WDR41: variants seen among roughly 807,000 people sequenced by gnomAD.
WDR41 encodes WD repeat domain 41, also known as WD repeat-containing protein 41.
A neutral mutation model predicts 69.3 loss-of-function variants in WDR41; 63 were observed. The ratio of observed to expected loss-of-function variants is 0.91; its 90% confidence interval spans 0.74 to 1.12. The LOEUF is 1.12. Ranked by LOEUF, WDR41 falls within the 50% of genes most tolerant of loss-of-function variation. The pLI is 0.00. For synonymous variants in WDR41, 185 were observed against 192.1 expected (o/e 0.96, Z 0.31); for missense variants, 543 against 534.5 (o/e 1.02, Z -0.16).
At chr5:77,434,091 A>C (rs150095149) in intron 12 of WDR41, among the ~76,000 whole-genome samples, 1,970 of 152,258 alleles carry the variant, frequency 0.013, 44 homozygotes, top group African/African-American at 0.043. Flanking sequence ...GCACTTCGGG[A>C]GGCTGAGGTG....
At chr5:77,536,876 A>T (rs1742997243) in intron 1 of WDR41, among the ~76,000 whole-genome samples, 1 of 152,214 alleles carries the variant, frequency 6.6e-6, no homozygotes, top group African/African-American at 2.4e-5. Context: ...TCATTAAGTG[A>T]TGGATGACTA....
chr5:77,500,148 G>A (rs1280747581), intron 1 of WDR41, among the ~76,000 whole-genome samples: 3 of 152,132 alleles, frequency 2.0e-5, no homozygotes, highest in Admixed American at 6.5e-5. Context: ...ATTACCTGAC[G>A]AAGACTTTAA....
chr5:77,556,331 C>A (rs2112249646), intron 1 of WDR41, among the ~76,000 whole-genome samples: 1 of 151,486 alleles, frequency 6.6e-6, no homozygotes, highest in East Asian at 2.0e-4. Context: ...TCTAGAACTC[C>A]TGACCTCAAG....
At chr5:77,496,585 C>A (rs1242153350), upstream of WDR41, among the ~76,000 whole-genome samples, 1 of 151,888 alleles carries the variant, frequency 6.6e-6, no homozygotes, top group Non-Finnish European at 1.5e-5. Context: ...ATACTGAAAA[C>A]AACAAAACAT....
intron 1 of WDR41, among the ~76,000 whole-genome samples, chr5:77,564,752 T>C (rs1486012846): frequency 6.6e-6 from 1 of 152,140 alleles, no homozygotes; most frequent in Non-Finnish European, 1.5e-5. Context: ...TCCTGACCTT[T>C]GCTTTGTGCT....
At chr5:77,509,104 C>G (rs759295304) in intron 1 of WDR41, among the ~76,000 whole-genome samples, 23 of 152,174 alleles carry the variant, frequency 1.5e-4, no homozygotes, top group Non-Finnish European at 2.5e-4. Flanking sequence ...TCTGGGTGAA[C>G]TAGCTGGCCT....
chr5:77,485,240 TACTG>T (rs1433458384), intron 2 of WDR41, among the ~76,000 whole-genome samples: 3 of 152,196 alleles, frequency 2.0e-5, no homozygotes, highest in Admixed American at 6.6e-5. Context: ...GAAGGATCTA[TACTG>T]ACTATCTGTT....
At chr5:77,484,928 A>C (rs163032) in intron 2 of WDR41, among the ~76,000 whole-genome samples, 89,588 of 152,048 alleles carry the variant, frequency 0.59, 28,140 homozygotes, top group African/African-American at 0.8. Context: ...GGATTTAAGC[A>C]AGATAGTAGA....
intron 1 of WDR41, among the ~76,000 whole-genome samples, chr5:77,596,234 G>A (rs976009341): frequency 1.8e-4 from 28 of 152,132 alleles, no homozygotes; most frequent in Middle Eastern, 3.4e-3. Context: ...TGCAACCTCC[G>A]CCTCCCAGGT....
chr5:77,582,600 A>G, intron 1 of WDR41: 7 of 1,600,586 alleles, frequency 4.4e-6, no homozygotes, highest in Non-Finnish European at 5.1e-6. Flanking sequence ...CGAGGATGGC[A>G]AGAAAAGCTG....
intron 6 of WDR41, among the ~76,000 whole-genome samples, chr5:77,453,546 G>A (rs879746563): frequency 6.6e-6 from 1 of 152,138 alleles, no homozygotes; most frequent in Non-Finnish European, 1.5e-5. Flanking sequence ...CTGCTTCTAG[G>A]TATCAGCGTG....
intron 6 of WDR41, chr5:77,451,625 G>T (rs566843164): frequency 1.9e-4 from 60 of 313,888 alleles, no homozygotes; most frequent in Non-Finnish European, 3.6e-4. Context: ...TAAAGTGGTA[G>T]ATTCAGCAAT....
At chr5:77,507,051 A>G (rs1227828046) in intron 1 of WDR41, among the ~76,000 whole-genome samples, 1 of 152,318 alleles carries the variant, frequency 6.6e-6, no homozygotes, top group East Asian at 1.9e-4. Flanking sequence ...AAAAAGAAAC[A>G]TATTTTAGAC....
chr5:77,582,946 A>C (rs1743968525), intron 1 of WDR41: 2 of 1,609,004 alleles, frequency 1.2e-6, no homozygotes, highest in South Asian at 2.2e-5. Flanking sequence ...GGAGGATTTG[A>C]TTCATGAGAT....
chr5:77,606,065 C>T (rs1035583316), intron 1 of WDR41, among the ~76,000 whole-genome samples: 1 of 151,968 alleles, frequency 6.6e-6, no homozygotes, highest in African/African-American at 2.4e-5. Flanking sequence ...AAGATGTGGC[C>T]CTCCCAAGCA....
intron 1 of WDR41, among the ~76,000 whole-genome samples, chr5:77,615,687 C>CAAAAAAAA (rs10695519): frequency 5.0e-5 from 4 of 79,376 alleles, no homozygotes; most frequent in African/African-American, 9.7e-5. Context: ...TACTGCAAGT[C>CAAAAAAAA]AAAAAAAAAA....
rs1743351586 is a variant in WDR41, at chr5:77,554,310, G to A, written c.43-64738C>T. Among the ~76,000 whole-genome samples, 3 of 152,208 alleles carry A rather than the reference G, an allele frequency of 2.0e-5. 1 individual carries two copies. The highest frequency in any genetic ancestry group is 4.1e-4 in the South Asian group (2 of 4,832). On this transcript the variant is annotated intron_variant, in intron 1 of 5. Coordinates refer to the WDR41 transcript ENST00000509971. ...GGTAGGGAAGTAGTTGTTCTGGTCT[G>A]AATGTTTCTGTCCCCCTGAAATTCT...
chr5:77,565,285 A>T (rs961836734), intron 1 of WDR41, among the ~76,000 whole-genome samples: 9 of 152,194 alleles, frequency 5.9e-5, no homozygotes, highest in African/African-American at 2.2e-4. Context: ...TACCAATTTT[A>T]TCATGGTGCA....
At chr5:77,573,622 T>C (rs1157814607) in intron 1 of WDR41, among the ~76,000 whole-genome samples, 3 of 152,104 alleles carry the variant, frequency 2.0e-5, no homozygotes, top group Non-Finnish European at 2.9e-5. Context: ...TTTCCAACTA[T>C]AGCCACTAAA....
Sources: allele counts gnomAD v4.1 joint callset (sites outside exome capture counted in the v4.1 genomes callset), GRCh38; gene constraint gnomAD v4.1.1; transcripts MANE v1.5; gene names NCBI Gene and HGNC (gene_info 2026-07-23, HGNC 2026-07-21).